SLC25A42: variants seen among roughly 807,000 people sequenced by gnomAD.
The protein encoded by SLC25A42 is mitochondrial coenzyme A transporter SLC25A42.
A neutral mutation model predicts 34.7 loss-of-function variants in SLC25A42; 19 were observed. The ratio of observed to expected loss-of-function variants is 0.55; its 90% CI spans 0.38 to 0.80. The LOEUF (loss-of-function observed/expected upper bound fraction) is 0.80, where lower values mean the gene tolerates loss of function less well. Among genes scored for constraint, SLC25A42 ranks in the 30% least tolerant of loss-of-function variants. The pLI is 0.00. For synonymous variants in SLC25A42, 205 were observed against 191.2 expected (o/e 1.07, Z -0.59); for missense variants, 364 against 441.3 (o/e 0.82, Z 1.57).
intron 1 of SLC25A42, among the ~76,000 whole-genome samples, chr19:19,082,881 G>A (rs1456064447): frequency 6.6e-6 from 1 of 151,792 alleles, no homozygotes; most frequent in Non-Finnish European, 1.5e-5. Context: ...GTAGTGGGGC[G>A]ATCTCAGCTC....
Position 19,081,661 on chromosome 19 carries a change from C to A in SLC25A42, c.-34-14430C>A, listed in dbSNP as rs572075949. ...CCTGTCCCAGGAAACGACCTCACCA[C>A]CTCCAGGTCTCAGGCAGAACCTGGA... On this transcript the variant is annotated intron_variant, in intron 1 of 7. Transcript: ENST00000318596. The surrounding 1 kb of genome is among the most constrained non-coding windows in gnomAD (Gnocchi z 4.5). Among the ~76,000 whole-genome samples, 29 of 152,190 alleles carry A rather than the reference C, an allele frequency of 1.9e-4. No individual in the cohort carries two copies. The highest frequency in any genetic ancestry group is 4.6e-4 in the Admixed American group (7 of 15,276).
intron 4 of SLC25A42, 161 bp downstream of exon 4, chr19:19,105,099 T>G: frequency 1.2e-6 from 1 of 843,168 alleles, no homozygotes; most frequent in South Asian, 1.6e-5. Context: ...GCCTGGGAAC[T>G]GACGGGACAT....
chr19:19,104,847 G>A, intron 3 of SLC25A42, 66 bp from the exon 4 acceptor site: 2 of 1,590,304 alleles, frequency 1.3e-6, no homozygotes. Context: ...GCCAGGGGTG[G>A]GGCCACGCAG....
chr19:19,106,508 G>A (rs1208948536), intron 6 of SLC25A42, 123 bp downstream of exon 6: 3 of 701,518 alleles, frequency 4.3e-6, no homozygotes, highest in Admixed American at 2.8e-5. Context: ...GTGTCCACAG[G>A]GCAGGCCTGA....
chr19:19,072,190 T>C (rs2059634253), intron 1 of SLC25A42, among the ~76,000 whole-genome samples: 1 of 152,130 alleles, frequency 6.6e-6, no homozygotes, highest in Non-Finnish European at 1.5e-5. Flanking sequence ...GGGGAAGCCA[T>C]GTGTCAGTGT....
chr19:19,102,904 A>G (rs2059805926), intron 3 of SLC25A42, among the ~76,000 whole-genome samples: 1 of 152,074 alleles, frequency 6.6e-6, no homozygotes, highest in South Asian at 2.1e-4. Flanking sequence ...GTCTGAAGTG[A>G]AGGTGTGGGC....
chr19:19,105,589 A>G lies in SLC25A42; in HGVS notation c.242A>G (p.Tyr81Cys), dbSNP rs2059821610. 8 of 1,613,694 alleles carry G rather than the reference A, an allele frequency of 5.0e-6. No individual in the cohort carries two copies. The highest frequency in any genetic ancestry group is 1.3e-5 in the African/African-American group (1 of 74,864). ...GCCTTCCGGGTCCTCTACTACACCTACCTCAACGAGGGATTTCTCAGCTTG... is the reference window on the plus strand; with the variant it reads ...GCCTTCCGGGTCCTCTACTACACCTGCCTCAACGAGGGATTTCTCAGCTTG... ...KEAFRVLYYT[Y>C]LNEGFLSLWR... The change falls in exon 5 of 8, where the codon TAC (tyrosine) becomes TGC (cysteine). Residue 81 changes from tyrosine to cysteine, a missense_variant. By Grantham distance (194) the Tyr-to-Cys change is radical. Coordinates refer to ENST00000318596, the MANE Select transcript of SLC25A42 (RefSeq NM_178526.5).
Position 19,066,881 on chromosome 19 carries a change from C to G in SLC25A42, c.-35+2766C>G, listed in dbSNP as rs1393427114. On this transcript the variant is annotated intron_variant, in intron 1 of 7. Coordinates refer to ENST00000318596, the MANE Select transcript of SLC25A42 (RefSeq NM_178526.5). Reference sequence around the variant, plus strand: ...AGACACTTCAGACCCCCCTGTCTTGCTGGCCATGCCTGTAGTCCACAGTTA... The same window carrying G: ...AGACACTTCAGACCCCCCTGTCTTGGTGGCCATGCCTGTAGTCCACAGTTA... Among the ~76,000 whole-genome samples, 3 of 152,086 alleles carry G rather than the reference C, an allele frequency of 2.0e-5. No homozygotes were observed. The East Asian group carries it at 5.8e-4, about 29-fold the overall frequency.
At chr19:19,092,832 A>G (rs1053573340) in intron 1 of SLC25A42, among the ~76,000 whole-genome samples, 2 of 152,176 alleles carry the variant, frequency 1.3e-5, no homozygotes, top group Non-Finnish European at 2.9e-5. Flanking sequence ...CCCAAGTGCA[A>G]GGACAGCCCC....
intron 1 of SLC25A42, among the ~76,000 whole-genome samples, chr19:19,066,137 G>A (rs965890751): frequency 1.3e-5 from 2 of 152,080 alleles, no homozygotes; most frequent in African/African-American, 4.8e-5. Flanking sequence ...GATTACAGGC[G>A]TGAGCCACCA....
chr19:19,066,518 G>A (rs949265126), intron 1 of SLC25A42, among the ~76,000 whole-genome samples: 6 of 149,766 alleles, frequency 4.0e-5, no homozygotes, highest in Non-Finnish European at 7.4e-5. Flanking sequence ...GCGCGATCTC[G>A]GCTCACTGCA....
chr19:19,079,151 G>C lies in SLC25A42; in HGVS notation c.-35+15036G>C, dbSNP rs182810597. On this transcript the variant is annotated intron_variant, in intron 1 of 7. Coordinates refer to ENST00000318596, the MANE Select transcript of SLC25A42 (RefSeq NM_178526.5). Reference sequence around the variant, plus strand: ...GCTCACTGCAACCTCCACCTCCCTGGTTCAAGCGATTCTCCTGCCTCAACC... The same window carrying C: ...GCTCACTGCAACCTCCACCTCCCTGCTTCAAGCGATTCTCCTGCCTCAACC... 4.0e-3 allele frequency among the ~76,000 whole-genome samples: 608 copies of C among 152,062 alleles called. 7 individuals carry two copies. The highest frequency in any genetic ancestry group is 0.014 in the Middle Eastern group (4 of 294).
chr19:19,078,804 A>C (rs530646084), intron 1 of SLC25A42, among the ~76,000 whole-genome samples: 1 of 151,702 alleles, frequency 6.6e-6, no homozygotes, highest in Admixed American at 6.6e-5. Flanking sequence ...GAACCTGGGC[A>C]GGTTTTTGTA....
Position 19,109,925 on chromosome 19 carries a change from C to T in SLC25A42, c.650-644C>T, listed in dbSNP as rs2059853770. On this transcript the variant is annotated intron_variant, in intron 7 of 7. Coordinates refer to ENST00000318596, the MANE Select transcript of SLC25A42 (RefSeq NM_178526.5). This position sits in a 1 kb window ranked among gnomAD's most constrained non-coding sequence, Gnocchi z 4.1. ...TCGCAGGGGCTCCCCAGGGAGGGCGCAGGTCGGGGACCAGGCACGGGAGCA... is the reference window on the plus strand; with the variant it reads ...TCGCAGGGGCTCCCCAGGGAGGGCGTAGGTCGGGGACCAGGCACGGGAGCA... Among the ~76,000 whole-genome samples the T allele has an allele frequency of 6.6e-6, 1 of 152,214 alleles. No homozygotes were observed. The highest frequency in any genetic ancestry group is 1.5e-5 in the Non-Finnish European group (1 of 68,044).
chr19:19,083,951 C>T (rs779361829), intron 1 of SLC25A42, among the ~76,000 whole-genome samples: 5 of 148,888 alleles, frequency 3.4e-5, no homozygotes, highest in Admixed American at 6.7e-5. Context: ...CCCCACCACC[C>T]CAGCGTGCCC....
At chr19:19,105,399 A>G (rs2059820617) in intron 4 of SLC25A42, among the ~76,000 whole-genome samples, 162 bp from the exon 5 acceptor site, 1 of 151,962 alleles carries the variant, frequency 6.6e-6, no homozygotes, top group Non-Finnish European at 1.5e-5. Flanking sequence ...AGTCTGGACA[A>G]ATCGGGGTGG....
chr19:19,070,393 G>A (rs187160535), intron 1 of SLC25A42, among the ~76,000 whole-genome samples: 2 of 151,162 alleles, frequency 1.3e-5, no homozygotes, highest in African/African-American at 2.4e-5. Flanking sequence ...CACCTCCCAG[G>A]TTCAAGCCAT....
In SLC25A42 at chr19:19,112,527, A is replaced by C. The variant is rs2059871429; in HGVS notation, c.*1651A>C. On this transcript the variant is annotated 3_prime_UTR_variant, in exon 8 of 8. Transcript: ENST00000318596. The surrounding 1 kb of genome is among the most constrained non-coding windows in gnomAD (Gnocchi z 4.3). ...CCAACTCCCACAAGCATGCAACAGCAGTAGGAATTGGGGGTCTGCCCCAGG... is the reference window on the plus strand; with the variant it reads ...CCAACTCCCACAAGCATGCAACAGCCGTAGGAATTGGGGGTCTGCCCCAGG... The C allele has an allele frequency of 1.3e-5, 2 of 152,374 alleles. No individual in the cohort carries two copies. The highest frequency in any genetic ancestry group is 4.8e-5 in the African/African-American group (2 of 41,466). 9.4% of individuals were successfully genotyped at this position (152,374 alleles called of 1,614,324 possible). A position where few individuals can be genotyped will look rare whatever the true frequency, so the allele number is the denominator to read the frequency against.
intron 1 of SLC25A42, among the ~76,000 whole-genome samples, chr19:19,072,844 A>G (rs1290316797): frequency 6.7e-6 from 1 of 149,086 alleles, no homozygotes; most frequent in Non-Finnish European, 1.5e-5. Context: ...ATACCTGGCT[A>G]ATTTATTTTG....
Sources: gnomAD v4.1 joint callset for allele counts (sites outside exome capture counted in the v4.1 genomes callset) on GRCh38, gnomAD v4.1.1 for gene constraint, Gnocchi (gnomAD v3.1) non-coding constraint, MANE v1.5 for transcripts, NCBI Gene and HGNC (gene_info 2026-07-23, HGNC 2026-07-21) for gene names.